Variants in ARAP2 observed in about 807,000 individuals in gnomAD.
ARAP2 encodes the protein arf-GAP with Rho-GAP domain, ANK repeat and PH domain-containing protein 2.
In ARAP2, 148 loss-of-function variants were observed where a neutral mutation model predicts 194.5. The observed-to-expected ratio is 0.76, with a 90% confidence interval of 0.67 to 0.87. ARAP2 has a LOEUF of 0.87. ARAP2 is among the 40% of genes least tolerant of loss of function. The pLI is 0.00. For missense variants in ARAP2, 2,128 were observed against 1,989.7 expected, an observed-to-expected ratio of 1.07 and a Z score of -1.32; for synonymous variants, 695 against 683.5, an observed-to-expected ratio of 1.02 and a Z score of -0.26.
At chr4:36,050,128 T>C (rs970672746) in intron 3 of ARAP2, among the ~76,000 whole-genome samples, 5 of 152,160 alleles carry the variant, frequency 3.3e-5, no homozygotes, top group Admixed American at 6.5e-5. Context: ...TGGTTATGTA[T>C]TGACAAGACT....
chr4:36,152,087 C>T (rs996801386), intron 15 of ARAP2, among the ~76,000 whole-genome samples: 2 of 152,054 alleles, frequency 1.3e-5, no homozygotes, highest in African/African-American at 2.4e-5. Flanking sequence ...CTTCAAAAAA[C>T]AATCACAAGG....
intron 27 of ARAP2, among the ~76,000 whole-genome samples, chr4:36,095,689 GAAC>G (rs1418551703): frequency 6.6e-6 from 1 of 152,070 alleles, no homozygotes; most frequent in Admixed American, 6.6e-5. Flanking sequence ...CATTTTGTGA[GAAC>G]ATCAAATTTG....
At chr4:36,216,280 T>A (rs193214811) in intron 2 of ARAP2, among the ~76,000 whole-genome samples, 1 of 151,930 alleles carries the variant, frequency 6.6e-6, no homozygotes, top group East Asian at 1.9e-4. Context: ...ATAAACAAAA[T>A]GGAAAAATGC....
chr4:36,209,382 T>A (rs569352987), intron 6 of ARAP2: 2 of 454,488 alleles, frequency 4.4e-6, no homozygotes, highest in East Asian at 7.0e-5. Context: ...TAGTAAGAAG[T>A]AATCTGCTTT....
At chr4:36,157,871 C>T (rs959909621) in intron 15 of ARAP2, among the ~76,000 whole-genome samples, 18 of 152,000 alleles carry the variant, frequency 1.2e-4, no homozygotes, top group Non-Finnish European at 2.1e-4. Flanking sequence ...TGAGGATTAA[C>T]ACTCTACAGT....
rs936839153 is a variant in ARAP2, at chr4:36,066,807, A to C, written c.*1100T>G. The C allele has an allele frequency of 2.6e-5, 4 of 152,166 alleles. No homozygotes were observed. Among genetic ancestry groups the C allele is most frequent in the Admixed American group, 6.5e-5 (1 of 15,272 alleles). 9.4% of individuals were successfully genotyped at this position (152,166 alleles called of 1,614,324 possible). A position where few individuals can be genotyped will look rare whatever the true frequency, so the allele number is the denominator to read the frequency against. On this transcript the variant is annotated 3_prime_UTR_variant, in exon 33 of 33. Coordinates refer to ENST00000303965, the MANE Select transcript of ARAP2 (RefSeq NM_015230.4). The stretch of plus-strand genomic sequence containing the variant: ...CCTTTACTTAAAAAAAGAAAAAAAA[A>C]CCTAGATTAAATGTGACCAGGTAGC...
chr4:36,207,794 A>T (rs1354854289), intron 6 of ARAP2, among the ~76,000 whole-genome samples: 1 of 152,096 alleles, frequency 6.6e-6, no homozygotes, highest in African/African-American at 2.4e-5. Context: ...AAAAAAACCC[A>T]AGAGTTCACT....
chr4:36,163,853 A>G (rs1296165680), intron 11 of ARAP2, among the ~76,000 whole-genome samples: 1 of 152,232 alleles, frequency 6.6e-6, no homozygotes, highest in Admixed American at 6.5e-5. Context: ...ATAAAATTCA[A>G]AGTAGAAGGT....
chr4:36,228,794 A>T lies in ARAP2; in HGVS notation c.693T>A (p.Asn231Lys), dbSNP rs755008916. ...GCSTSGTNSGNGTNGLLEGSP... is the reference protein window; with the variant it reads ...GCSTSGTNSGKGTNGLLEGSP... ...ATCCTTCTAATAAACCATTTGTTCCATTTCCAGAATTTGTTCCTGATGTTG... is the reference window on the plus strand; with the variant it reads ...ATCCTTCTAATAAACCATTTGTTCCTTTTCCAGAATTTGTTCCTGATGTTG... Residue 231 changes from asparagine to lysine, a missense_variant, in exon 2 of 33, where the codon AAT becomes AAA. Transcript: ENST00000303965. 1.1e-5 allele frequency: 17 copies of T among 1,614,018 alleles called. No homozygotes were observed. The South Asian group carries it at 1.1e-4, about 10-fold the overall frequency.
chr4:36,067,866 A>G lies in ARAP2; in HGVS notation c.*41T>C. The G allele has an allele frequency of 1.3e-6, 2 of 1,524,806 alleles. No homozygotes were observed. Among genetic ancestry groups the G allele is most frequent in the Non-Finnish European group, 1.8e-6 (2 of 1,136,570 alleles). The allele number at this position is 1,524,806 out of a possible 1,614,324, so 94.5% of individuals were successfully genotyped here. ...GGAGTTACACATAAAGATTGCATAC[A>G]ATATTAAAAAAATAATCTGGGGAGC... On this transcript the variant is annotated 3_prime_UTR_variant, in exon 33 of 33. Coordinates refer to ENST00000303965, the MANE Select transcript of ARAP2 (RefSeq NM_015230.4).
chr4:36,154,092 C>T lies in ARAP2; in HGVS notation c.2753-3048G>A, dbSNP rs533445311. Among the ~76,000 whole-genome samples the T allele has an allele frequency of 4.6e-5, 7 of 152,244 alleles. 1 individual carries two copies. Among genetic ancestry groups the T allele is most frequent in the African/African-American group, 1.7e-4 (7 of 41,542 alleles). Reference sequence around the variant, plus strand: ...CTCTTTATGCTTGCAAACAGTTACTCACTGTATCTGTTATATGCTTGAACT... The same window carrying T: ...CTCTTTATGCTTGCAAACAGTTACTTACTGTATCTGTTATATGCTTGAACT... On this transcript the variant is annotated intron_variant, in intron 15 of 32. Coordinates refer to ENST00000303965, the MANE Select transcript of ARAP2 (RefSeq NM_015230.4).
chr4:36,073,750 C>A lies in ARAP2; in HGVS notation c.4682G>T (p.Gly1561Val), dbSNP rs1727589420. The change falls in exon 32 of 33, where the codon GGT becomes GTT. Residue 1561 changes from glycine (G) to valine (V), a missense_variant. By Grantham distance (109) the Gly-to-Val change is moderately radical. Coordinates refer to ENST00000303965, the MANE Select transcript of ARAP2 (RefSeq NM_015230.4). ...ATGCTGTATAGGAATCAGAGGCAAA[C>A]CTCCAATTTTGGGATTTTTGGTTAT... is the stretch of plus-strand genomic sequence containing the variant. The part of the protein sequence containing the change: ...RSITKNPKIG[G>V]LPLIPIQHEG... 1 of 1,613,228 alleles carries A rather than the reference C, an allele frequency of 6.2e-7. No homozygotes were observed. The highest frequency in any genetic ancestry group is 1.3e-5 in the African/African-American group (1 of 74,868).
intron 1 of ARAP2, among the ~76,000 whole-genome samples, chr4:36,235,417 G>T (rs1407696759): frequency 2.0e-5 from 3 of 152,064 alleles, no homozygotes; most frequent in Non-Finnish European, 2.9e-5. Context: ...TTCTTCTCCA[G>T]CATATACGTA....
intron 1 of ARAP2, chr4:36,243,461 C>T (rs1753971970): frequency 6.7e-6 from 1 of 148,928 alleles, no homozygotes; most frequent in African/African-American, 2.5e-5. Flanking sequence ...TTATTCCACA[C>T]AAATTAGCTT....
rs73125372 is a variant in ARAP2, at chr4:36,166,171, A to G, written c.1973+761T>C. Among the ~76,000 whole-genome samples, 953 of 152,246 alleles carry G rather than the reference A, an allele frequency of 6.3e-3. 13 individuals are homozygous for G. Among genetic ancestry groups the G allele is most frequent in the African/African-American group, 0.022 (908 of 41,564 alleles). On this transcript the variant is annotated intron_variant, in intron 10 of 32. Coordinates refer to ENST00000303965, the MANE Select transcript of ARAP2 (RefSeq NM_015230.4). ...TGCAAAATGAGTAACTACAATTGAC[A>G]GTATATTTGAAATTCCTAATTGTTA...
chr4:36,211,742 G>A (rs998787802), intron 5 of ARAP2, among the ~76,000 whole-genome samples: 30 of 152,018 alleles, frequency 2.0e-4, no homozygotes, highest in Non-Finnish European at 4.0e-4. Context: ...TGCTTTGGGG[G>A]ATGAATATTC....
chr4:36,202,450 A>C (rs1429127913), intron 6 of ARAP2, among the ~76,000 whole-genome samples: 1 of 152,076 alleles, frequency 6.6e-6, no homozygotes, highest in Non-Finnish European at 1.5e-5. Context: ...AAGTATCTTC[A>C]ATCTCAGCTT....
chr4:36,164,947 T>A lies in ARAP2; in HGVS notation c.2140A>T (p.Asn714Tyr). ...TTCTTACAGATGACAACACAGAGAT[T>A]GATGGATGCCCAGTCAGGATCTGGG... ...KAPDPDWASI[N>Y]LCVVICKKCA... is the part of the protein sequence containing the mutation. Residue 714 changes from asparagine to tyrosine, a missense_variant, in exon 11 of 33, where the codon AAT becomes TAT. Transcript: ENST00000303965. 1 of 1,614,106 alleles carries A rather than the reference T, an allele frequency of 6.2e-7. No individual in the cohort carries two copies. The highest frequency in any genetic ancestry group is 8.5e-7 in the Non-Finnish European group (1 of 1,179,942).
At chr4:36,084,238 T>C (rs1730290381) in intron 28 of ARAP2, among the ~76,000 whole-genome samples, 1 of 152,100 alleles carries the variant, frequency 6.6e-6, no homozygotes, top group Non-Finnish European at 1.5e-5. Context: ...TCTATCCTAT[T>C]AGTTCTGTCC....
Sources: allele counts gnomAD v4.1 joint callset (sites outside exome capture counted in the v4.1 genomes callset), GRCh38; gene constraint gnomAD v4.1.1; transcripts MANE v1.5; gene names NCBI Gene and HGNC (gene_info 2026-07-23, HGNC 2026-07-21).